Variants in FMN1 observed in about 807,000 individuals in gnomAD.
FMN1 encodes formin-1.
In FMN1, 110 loss-of-function variants were observed where a neutral mutation model predicts 132.4. The ratio of observed to expected loss-of-function variants is 0.83; its 90% CI spans 0.71 to 0.97. The LOEUF is 0.97. Among genes scored for constraint, FMN1 ranks in the 50% least tolerant of loss-of-function variants. The pLI is 0.00. For synonymous variants in FMN1, 722 were observed against 651.7 expected, an observed-to-expected ratio of 1.11 and a Z score of -1.64; for missense variants, 1,792 against 1,705.3, an observed-to-expected ratio of 1.05 and a Z score of -0.90.
chr15:33,121,251 A>G (rs1207285914), intron 4 of FMN1, among the ~76,000 whole-genome samples: 1 of 152,236 alleles, frequency 6.6e-6, no homozygotes, highest in African/African-American at 2.4e-5. Flanking sequence ...TTCTGCAAAT[A>G]AAACTTCATC....
intron 6 of FMN1, among the ~76,000 whole-genome samples, chr15:33,030,199 A>T (rs769960876): frequency 1.3e-5 from 2 of 152,202 alleles, no homozygotes; most frequent in African/African-American, 2.4e-5. Context: ...TTAAGTAAAT[A>T]TAAGAGCCAG....
At chr15:32,921,826 C>G (rs931269201) in intron 10 of FMN1, among the ~76,000 whole-genome samples, 4 of 152,042 alleles carry the variant, frequency 2.6e-5, no homozygotes, top group Non-Finnish European at 5.9e-5. Context: ...TGTGCCACCA[C>G]CATGCCTGGC....
At position 32,771,755 on chromosome 15, in the gene FMN1, C is replaced by G. The variant is rs1477508832; in HGVS notation, c.*2555G>C. 1 of 152,232 alleles carries G rather than the reference C, an allele frequency of 6.6e-6. No homozygotes were observed. Among genetic ancestry groups the G allele is most frequent in the Non-Finnish European group, 1.5e-5 (1 of 68,054 alleles). The allele number at this position is 152,232 out of a possible 1,614,324, so 9.4% of individuals were successfully genotyped here. On this transcript the variant is annotated 3_prime_UTR_variant, in exon 21 of 21. Transcript: ENST00000616417. ...CCTCTCCAGGAAAAGTTCAGATCCT[C>G]CTGCTACACTGAACACAAGCTCAAC...
At chr15:33,061,357 C>T (rs1425530547) in intron 6 of FMN1, among the ~76,000 whole-genome samples, 1 of 151,930 alleles carries the variant, frequency 6.6e-6, no homozygotes, top group Non-Finnish European at 1.5e-5. Context: ...AGAAGCAAAT[C>T]CATATCATGT....
chr15:32,927,667 C>T (rs998128949), intron 9 of FMN1, among the ~76,000 whole-genome samples: 2 of 152,212 alleles, frequency 1.3e-5, no homozygotes, highest in Non-Finnish European at 2.9e-5. Context: ...GAGAAGTCTA[C>T]ATAGTTTTGT....
chr15:33,026,581 C>G (rs2035688131), intron 6 of FMN1, among the ~76,000 whole-genome samples: 1 of 152,242 alleles, frequency 6.6e-6, no homozygotes, highest in Middle Eastern at 3.4e-3. Context: ...GATTTTATAT[C>G]ATGATTATAT....
At chr15:32,948,978 A>C (rs552480194) in intron 9 of FMN1, among the ~76,000 whole-genome samples, 218 of 151,882 alleles carry the variant, frequency 1.4e-3, no homozygotes, top group African/African-American at 5.0e-3. Context: ...GTATTTTTCT[A>C]GTTATTGATT....
At chr15:33,099,222 T>C (rs1020426223) in intron 4 of FMN1, among the ~76,000 whole-genome samples, 1 of 152,152 alleles carries the variant, frequency 6.6e-6, no homozygotes, top group Admixed American at 6.5e-5. Context: ...GCCTGGAAGG[T>C]TGAGGCTGCA....
rs1428344843 is a variant in FMN1 at position 33,154,527 on chromosome 15, C to T, written c.388G>A (p.Asp130Asn). ...QELSVSLAPE[D>N]DCFQSAGDWQ... is the part of the protein sequence containing the mutation. ...TCACCAGCACTCTGGAAACAGTCATCCTCGGGGGCCAGGCTCACGGACAGC... is the reference window on the plus strand; with the variant it reads ...TCACCAGCACTCTGGAAACAGTCATTCTCGGGGGCCAGGCTCACGGACAGC... Residue 130 changes from aspartate (D) to asparagine (N), a missense_variant, in exon 4 of 21, where the codon GAT (aspartate) becomes AAT (asparagine). Coordinates refer to ENST00000616417, the MANE Select transcript of FMN1 (RefSeq NM_001277313.2). 2 of 1,536,106 alleles carry T rather than the reference C, an allele frequency of 1.3e-6. No homozygotes were observed. Among genetic ancestry groups the T allele is most frequent in the Non-Finnish European group, 1.7e-6 (2 of 1,146,908 alleles).
intron 4 of FMN1, among the ~76,000 whole-genome samples, chr15:33,100,265 A>C (rs1273336820): frequency 1.3e-5 from 2 of 151,500 alleles, no homozygotes; most frequent in African/African-American, 2.4e-5. Flanking sequence ...AAAACTGCAC[A>C]TTTGGAAAAA....
chr15:32,799,137 T>G (rs946634714), intron 18 of FMN1, among the ~76,000 whole-genome samples, 184 bp from the exon 19 acceptor site: 1 of 152,176 alleles, frequency 6.6e-6, no homozygotes, highest in African/African-American at 2.4e-5. Context: ...CAAACTGATT[T>G]GCCAAAAAAT....
At chr15:33,035,071 A>G (rs1399568812) in intron 6 of FMN1, among the ~76,000 whole-genome samples, 2 of 152,262 alleles carry the variant, frequency 1.3e-5, no homozygotes, top group Non-Finnish European at 2.9e-5. Flanking sequence ...AAAATAAATT[A>G]CAACAGGTTA....
chr15:33,163,141 TTACAG>T (rs1389290668), intron 3 of FMN1, among the ~76,000 whole-genome samples: 1 of 152,068 alleles, frequency 6.6e-6, no homozygotes, highest in African/African-American at 2.4e-5. Context: ...AAAAGATATG[TTACAG>T]ACAGTTTTAG....
chr15:33,162,030 G>A (rs1017520716), intron 3 of FMN1, among the ~76,000 whole-genome samples: 2 of 151,042 alleles, frequency 1.3e-5, no homozygotes, highest in African/African-American at 4.9e-5. Flanking sequence ...TCTTCTTTCT[G>A]AGATAGGGTC....
intron 17 of FMN1, among the ~76,000 whole-genome samples, chr15:32,809,088 G>A (rs1487658358): frequency 6.6e-6 from 1 of 152,012 alleles, no homozygotes; most frequent in Admixed American, 6.6e-5. Flanking sequence ...AAATAACTGG[G>A]AGTCATGGGG....
chr15:32,869,565 C>T (rs1281882964), intron 16 of FMN1, among the ~76,000 whole-genome samples: 4 of 152,124 alleles, frequency 2.6e-5, no homozygotes, highest in Admixed American at 6.5e-5. Flanking sequence ...GGAGTAGACA[C>T]ACATGCCAGG....
chr15:33,109,219 A>G (rs2039603019), intron 4 of FMN1, among the ~76,000 whole-genome samples: 1 of 152,238 alleles, frequency 6.6e-6, no homozygotes, highest in South Asian at 2.1e-4. Context: ...TCTAAAATGC[A>G]AGTAAGGTTT....
In FMN1 at chr15:33,016,669, G is replaced by A. The variant is rs929838443; in HGVS notation, c.2162-8594C>T. Among the ~76,000 whole-genome samples the A allele has an allele frequency of 6.6e-5, 10 of 152,298 alleles. No individual in the cohort carries two copies. The South Asian group carries it at 1.2e-3, about 19-fold the overall frequency. ...TTGATCCAACACCTTTTGTCAGCGG[G>A]CCTTCAACCAGCACACACGTCAGCA... On this transcript the variant is annotated intron_variant, in intron 6 of 20. Coordinates refer to ENST00000616417, the MANE Select transcript of FMN1 (RefSeq NM_001277313.2).
chr15:32,941,568 T>C lies in FMN1; in HGVS notation c.3139-15307A>G, dbSNP rs139423540. Reference sequence around the variant, plus strand: ...CAAATTAAACTGTTCATTCCACTCCTAGTCTATGATCCCTTATCATACTCA... The same window carrying C: ...CAAATTAAACTGTTCATTCCACTCCCAGTCTATGATCCCTTATCATACTCA... On this transcript the variant is annotated intron_variant, in intron 9 of 20. Coordinates refer to ENST00000616417, the MANE Select transcript of FMN1 (RefSeq NM_001277313.2). 5.3e-5 allele frequency among the ~76,000 whole-genome samples: 8 copies of C among 152,334 alleles called. No individual in the cohort carries two copies. The East Asian group carries it at 1.5e-3, about 29-fold the overall frequency.
Sources: allele counts gnomAD v4.1 joint callset (sites outside exome capture counted in the v4.1 genomes callset), GRCh38; gene constraint gnomAD v4.1.1; transcripts MANE v1.5; gene names NCBI Gene and HGNC (gene_info 2026-07-23, HGNC 2026-07-21).